The following UBE2E3 variants were observed in gnomAD, a reference collection of about 807,000 sequenced individuals.
The protein encoded by UBE2E3 is ubiquitin conjugating enzyme E2 E3, also known as ubiquitin-conjugating enzyme E2 E3.
In UBE2E3, 5 loss-of-function variants were observed where a neutral mutation model predicts 23.6. That is an observed-to-expected ratio of 0.21 (90% CI 0.11 to 0.44). The LOEUF (loss-of-function observed/expected upper bound fraction) is 0.44. Ranked by LOEUF, UBE2E3 falls within the 20% of genes least tolerant of loss-of-function variation. The pLI, the probability that UBE2E3 is intolerant of heterozygous loss-of-function variation, is 0.99. For synonymous variants in UBE2E3, 78 were observed against 87.5 expected (o/e 0.89, Z 0.60); for missense variants, 81 against 249.8 (o/e 0.32, Z 4.55).
chr2:181,031,681 T>C (rs1686083273), intron 3 of UBE2E3, among the ~76,000 whole-genome samples: 1 of 152,130 alleles, frequency 6.6e-6, no homozygotes, highest in Non-Finnish European at 1.5e-5. Context: ...CTTATTAGTT[T>C]TGGTGTTTTG....
intron 4 of UBE2E3, among the ~76,000 whole-genome samples, chr2:181,060,097 G>A (rs1188207766): frequency 6.6e-6 from 1 of 151,614 alleles, no homozygotes; most frequent in Non-Finnish European, 1.5e-5. Flanking sequence ...TAACAAGACA[G>A]TGAACCAGCT....
At chr2:180,982,625 T>G (rs1574150747) in intron 2 of UBE2E3, among the ~76,000 whole-genome samples, 2 of 152,324 alleles carry the variant, frequency 1.3e-5, no homozygotes, top group Middle Eastern at 3.4e-3. Context: ...GCAGTGCCTC[T>G]CTTCATGAAA....
chr2:180,994,845 A>C (rs1479445793), intron 3 of UBE2E3, among the ~76,000 whole-genome samples: 1 of 152,346 alleles, frequency 6.6e-6, no homozygotes, highest in Admixed American at 6.5e-5. Context: ...TATGAGATAC[A>C]CACAAACCTA....
At chr2:181,050,224 A>G in intron 3 of UBE2E3, among the ~76,000 whole-genome samples, 1 of 152,000 alleles carries the variant, frequency 6.6e-6, no homozygotes, top group Non-Finnish European at 1.5e-5. Context: ...AGCAAGAGTT[A>G]CATACTAGTA....
At chr2:181,060,837 A>G (rs745774669) in intron 5 of UBE2E3, 25 bp downstream of exon 5, 3 of 1,292,322 alleles carry the variant, frequency 2.3e-6, no homozygotes, top group Non-Finnish European at 3.1e-6. Flanking sequence ...ATTAACATGT[A>G]CAATAAGACT....
At chr2:181,057,900 G>A (rs1687031061) in intron 4 of UBE2E3, 75 bp downstream of exon 4, 2 of 1,409,552 alleles carry the variant, frequency 1.4e-6, no homozygotes, top group East Asian at 4.7e-5. Flanking sequence ...ACTTAAATGT[G>A]TATTGATGCA....
chr2:181,052,951 CCT>C lies in UBE2E3; in HGVS notation c.246-4737_246-4736del, dbSNP rs1261090612. On this transcript the variant is annotated intron_variant, in intron 3 of 5. Coordinates refer to ENST00000410062, the MANE Select transcript of UBE2E3 (RefSeq NM_006357.4). Reference sequence around the variant, plus strand: ...GGCTGATTGGTGGGCTTTCCATGTGCCTCTCTGTGCACAGGACACCTCGCCAT... The same window carrying C: ...GGCTGATTGGTGGGCTTTCCATGTGCCTCTGTGCACAGGACACCTCGCCAT... Among the ~76,000 whole-genome samples, 16 of 151,906 alleles carry C rather than the reference CCT, an allele frequency of 1.1e-4. 1 individual carries two copies. In the East Asian group the frequency reaches 3.1e-3, roughly 30 times the overall value.
chr2:181,060,898 T>A, intron 5 of UBE2E3, 86 bp downstream of exon 5: 1 of 1,172,226 alleles, frequency 8.5e-7, no homozygotes, highest in Non-Finnish European at 1.1e-6. Flanking sequence ...TAGTTAGCTT[T>A]AAATGTAGAT....
At chr2:181,025,580 T>G (rs192307491) in intron 3 of UBE2E3, among the ~76,000 whole-genome samples, 16 of 151,938 alleles carry the variant, frequency 1.1e-4, no homozygotes, top group South Asian at 2.1e-4. Context: ...CACATATTAA[T>G]TTTTTTTCTA....
chr2:180,991,755 A>G (rs999432955), intron 3 of UBE2E3, among the ~76,000 whole-genome samples: 4 of 152,180 alleles, frequency 2.6e-5, no homozygotes, highest in African/African-American at 9.7e-5. Context: ...AAACCAAAAG[A>G]TTGGACACTC....
chr2:180,985,502 T>C (rs1684433434), intron 3 of UBE2E3, among the ~76,000 whole-genome samples: 1 of 152,180 alleles, frequency 6.6e-6, no homozygotes, highest in Admixed American at 6.5e-5. Context: ...AATTTCACTT[T>C]TTTACTATGT....
rs772336555 is a variant in UBE2E3, at chr2:180,984,043, A to G, written c.195A>G (p.Arg65=). 7.4e-6 allele frequency: 12 copies of G among 1,610,808 alleles called. No homozygotes were observed. The highest frequency in any genetic ancestry group is 6.7e-5 in the Admixed American group (4 of 59,926). The part of the protein sequence containing the change: ...TTAKLSTSAK[R]IQKELAEITL... ...TTGTCTCTTCTCATTTCACTAACAG[A>G]ATTCAGAAGGAGCTAGCTGAAATAA... The change falls in exon 3 of 6, where the codon AGA becomes AGG. Residue 65 remains arginine (R), a splice_region_variant and synonymous_variant. Coordinates refer to ENST00000410062, the MANE Select transcript of UBE2E3 (RefSeq NM_006357.4).
At chr2:181,045,799 C>G (rs1686656843) in intron 3 of UBE2E3, among the ~76,000 whole-genome samples, 1 of 152,094 alleles carries the variant, frequency 6.6e-6, no homozygotes, top group Non-Finnish European at 1.5e-5. Flanking sequence ...ACTGTTCCCT[C>G]CCTTCCACTT....
At chr2:181,041,597 C>A (rs1686507124) in intron 3 of UBE2E3, among the ~76,000 whole-genome samples, 1 of 151,978 alleles carries the variant, frequency 6.6e-6, no homozygotes, top group Non-Finnish European at 1.5e-5. Flanking sequence ...ACCACCATGC[C>A]AGGCTAATTT....
chr2:181,046,047 T>A (rs1949453), intron 3 of UBE2E3, among the ~76,000 whole-genome samples: 82,308 of 152,018 alleles, frequency 0.54, 23,321 homozygotes, highest in East Asian at 0.8. Flanking sequence ...GGACCTTGTA[T>A]GTTCTTCTGT....
At chr2:181,044,989 A>T (rs1686628010) in intron 3 of UBE2E3, among the ~76,000 whole-genome samples, 1 of 152,184 alleles carries the variant, frequency 6.6e-6, no homozygotes, top group African/African-American at 2.4e-5. Flanking sequence ...TTTACATAGG[A>T]CACTAAAATA....
intron 3 of UBE2E3, among the ~76,000 whole-genome samples, chr2:181,021,709 A>G (rs1352032286): frequency 1.2e-4 from 14 of 117,560 alleles, no homozygotes; most frequent in Non-Finnish European, 5.2e-5. Flanking sequence ...TACTATATCT[A>G]TTAATGTCTG....
intron 3 of UBE2E3, among the ~76,000 whole-genome samples, chr2:181,009,425 T>G (rs1179223434): frequency 6.6e-6 from 1 of 152,118 alleles, no homozygotes; most frequent in Non-Finnish European, 1.5e-5. Flanking sequence ...TTGATTACAG[T>G]AATGTTTTAC....
intron 1 of UBE2E3, 30 bp from the exon 2 acceptor site, chr2:180,981,988 C>T: frequency 7.0e-7 from 1 of 1,438,760 alleles, no homozygotes; most frequent in Non-Finnish European, 9.5e-7. Context: ...TTAACATTTT[C>T]TCCTCCTCCT....
Sources: allele counts gnomAD v4.1 joint callset (sites outside exome capture counted in the v4.1 genomes callset), GRCh38; gene constraint gnomAD v4.1.1; transcripts MANE v1.5; gene names NCBI Gene and HGNC (gene_info 2026-07-23, HGNC 2026-07-21).